FREM3: variants seen among roughly 807,000 people sequenced by gnomAD.
FREM3 encodes the protein FRAS1-related extracellular matrix protein 3.
A neutral mutation model predicts 129.1 loss-of-function variants in FREM3; 105 were observed. The observed-to-expected ratio is 0.81, with a 90% confidence interval of 0.69 to 0.96. The LOEUF is 0.96. Ranked by LOEUF, FREM3 falls within the 40% of genes least tolerant of loss-of-function variation. FREM3 has a pLI of 0.00. For missense variants in FREM3, 2,593 were observed against 2,666.3 expected, an observed-to-expected ratio of 0.97 and a Z score of 0.61; for synonymous variants, 1,014 against 1,044.9, an observed-to-expected ratio of 0.97 and a Z score of 0.57.
chr4:143,632,495 G>C (rs993518797), intron 2 of FREM3, among the ~76,000 whole-genome samples: 6 of 152,088 alleles, frequency 3.9e-5, no homozygotes, highest in African/African-American at 7.2e-5. Flanking sequence ...ATGGTCAAAG[G>C]CTACTTGGTC....
At chr4:143,628,062 C>G (rs1240735004) in intron 2 of FREM3, among the ~76,000 whole-genome samples, 1 of 152,036 alleles carries the variant, frequency 6.6e-6, no homozygotes, top group Non-Finnish European at 1.5e-5. Flanking sequence ...TCAGGTCATA[C>G]TCAACACCTC....
intron 2 of FREM3, among the ~76,000 whole-genome samples, chr4:143,653,457 C>T (rs568769972): frequency 6.6e-6 from 1 of 152,324 alleles, no homozygotes; most frequent in African/African-American, 2.4e-5. Flanking sequence ...CACATCATGG[C>T]TGTTTCCTTC....
At chr4:143,589,827 T>A (rs1252868259) in intron 6 of FREM3, among the ~76,000 whole-genome samples, 1 of 152,204 alleles carries the variant, frequency 6.6e-6, no homozygotes, top group Non-Finnish European at 1.5e-5. Context: ...TAAATTACCT[T>A]GGGCAGTATG....
chr4:143,652,859 G>T (rs1739536604), intron 2 of FREM3, among the ~76,000 whole-genome samples: 2 of 152,062 alleles, frequency 1.3e-5, no homozygotes, highest in African/African-American at 4.8e-5. Flanking sequence ...GAACTCCTGA[G>T]GTCAAGTGAT....
At chr4:143,627,174 G>A (rs752545007) in intron 3 of FREM3, among the ~76,000 whole-genome samples, 3 of 151,920 alleles carry the variant, frequency 2.0e-5, no homozygotes, top group African/African-American at 7.3e-5. Flanking sequence ...CTACTAGCAA[G>A]GTTAAAACAA....
At chr4:143,595,659 G>T (rs1738460220) in intron 6 of FREM3, among the ~76,000 whole-genome samples, 1 of 152,112 alleles carries the variant, frequency 6.6e-6, no homozygotes, top group African/African-American at 2.4e-5. Flanking sequence ...AGGCCAAGGT[G>T]GGCGGATCAC....
chr4:143,622,567 C>T (rs529060672), intron 4 of FREM3, among the ~76,000 whole-genome samples: 1 of 152,180 alleles, frequency 6.6e-6, no homozygotes, highest in East Asian at 1.9e-4. Flanking sequence ...GACACTGGCC[C>T]TGAGTCACAG....
At chr4:143,656,427 A>G (rs1739602211) in intron 2 of FREM3, among the ~76,000 whole-genome samples, 1 of 152,258 alleles carries the variant, frequency 6.6e-6, no homozygotes, top group Admixed American at 6.5e-5. Context: ...ATCAATTGAT[A>G]AATGAGTAAA....
At chr4:143,639,302 C>T (rs922448926) in intron 2 of FREM3, among the ~76,000 whole-genome samples, 2 of 152,090 alleles carry the variant, frequency 1.3e-5, no homozygotes, top group South Asian at 2.1e-4. Context: ...AATAGTTCAA[C>T]TTGACATACG....
chr4:143,597,261 A>G (rs933361727), intron 6 of FREM3, among the ~76,000 whole-genome samples: 9 of 152,238 alleles, frequency 5.9e-5, no homozygotes, highest in African/African-American at 2.2e-4. Context: ...GACAATGTCA[A>G]ACGCAGCGAG....
Position 143,585,963 on chromosome 4 carries a change from T to C in FREM3, c.6059A>G (p.Tyr2020Cys), listed in dbSNP as rs1738236450. ...EPVLHFGDAE[Y>C]HVNESARYVE... Reference sequence around the variant, plus strand: ...GTAGCGAGCACTTTCATTGACGTGATATTCAGCATCCCCAAAGTGCAGGAC... The same window carrying C: ...GTAGCGAGCACTTTCATTGACGTGACATTCAGCATCCCCAAAGTGCAGGAC... Residue 2020 changes from tyrosine to cysteine, a missense_variant, in exon 7 of 8, where the codon TAT (tyrosine) becomes TGT (cysteine). By Grantham distance (194) the Tyr-to-Cys change is radical. Transcript: ENST00000329798. This position sits in a 1 kb window ranked among gnomAD's most constrained non-coding sequence, Gnocchi z 4.2. 6.5e-7 allele frequency: 1 copy of C among 1,537,694 alleles called. No homozygotes were observed. The highest frequency in any genetic ancestry group is 2.4e-5 in the East Asian group (1 of 40,920).
At position 143,642,705 on chromosome 4, in the gene FREM3, C is replaced by G. The variant is rs114070886; in HGVS notation, c.5276-14945G>C. ...CTACTGGGAGAAAACATAGGGGATACACTTCATAACATTGGGCTGGGAAAG... is the reference window on the plus strand; with the variant it reads ...CTACTGGGAGAAAACATAGGGGATAGACTTCATAACATTGGGCTGGGAAAG... On this transcript the variant is annotated intron_variant, in intron 2 of 7. Coordinates refer to ENST00000329798, the MANE Select transcript of FREM3 (RefSeq NM_001168235.2). Among the ~76,000 whole-genome samples, 1,241 of 152,180 alleles carry G rather than the reference C, an allele frequency of 8.2e-3. 21 individuals carry two copies. The highest frequency in any genetic ancestry group is 0.029 in the African/African-American group (1,191 of 41,536).
At chr4:143,685,103 C>T (rs1436118291) in intron 2 of FREM3, among the ~76,000 whole-genome samples, 1 of 152,136 alleles carries the variant, frequency 6.6e-6, no homozygotes, top group African/African-American at 2.4e-5. Flanking sequence ...AGGAAAACTT[C>T]CCCAGCCTCG....
chr4:143,629,098 G>A (rs1266436646), intron 2 of FREM3, among the ~76,000 whole-genome samples: 1 of 152,056 alleles, frequency 6.6e-6, no homozygotes, highest in African/African-American at 2.4e-5. Context: ...GAATCTTCAA[G>A]GAACCCATGA....
chr4:143,695,401 G>T, intron 1 of FREM3, 90 bp downstream of exon 1: 2 of 1,096,224 alleles, frequency 1.8e-6, no homozygotes, highest in South Asian at 1.8e-5. Context: ...TACTGCAAAT[G>T]GCTGAGATCA....
At position 143,621,022 on chromosome 4, in the gene FREM3, C is replaced by T; in HGVS notation, c.5779+15G>A. On this transcript the variant is annotated intron_variant, in intron 5 of 7. Transcript: ENST00000329798. Reference sequence around the variant, plus strand: ...CATCTTATTCCTATGAACAGGACCCCACAGAGCCTCATACCTTGACGTGTG... The same window carrying T: ...CATCTTATTCCTATGAACAGGACCCTACAGAGCCTCATACCTTGACGTGTG... 6.5e-7 allele frequency: 1 copy of T among 1,537,040 alleles called. No homozygotes were observed. Among genetic ancestry groups the T allele is most frequent in the South Asian group, 1.2e-5 (1 of 84,038 alleles).
chr4:143,625,668 C>A (rs1218318568), intron 3 of FREM3, among the ~76,000 whole-genome samples: 1 of 152,172 alleles, frequency 6.6e-6, no homozygotes, highest in Non-Finnish European at 1.5e-5. Context: ...AGGAATGAAG[C>A]AGGCACATGG....
chr4:143,652,877 C>T (rs1229490787), intron 2 of FREM3, among the ~76,000 whole-genome samples: 1 of 152,192 alleles, frequency 6.6e-6, no homozygotes, highest in Non-Finnish European at 1.5e-5. Context: ...GATCCGCCTG[C>T]CTCGGCCTCC....
intron 7 of FREM3, among the ~76,000 whole-genome samples, chr4:143,582,969 C>G (rs1427283505): frequency 6.6e-6 from 1 of 151,878 alleles, no homozygotes; most frequent in East Asian, 1.9e-4. Flanking sequence ...CAGCCTCAAC[C>G]TCCTGGGCTC....
Sources: allele counts gnomAD v4.1 joint callset (sites outside exome capture counted in the v4.1 genomes callset), GRCh38; gene constraint gnomAD v4.1.1; non-coding constraint Gnocchi (gnomAD v3.1); transcripts MANE v1.5; gene names NCBI Gene and HGNC (gene_info 2026-07-23, HGNC 2026-07-21).